MRTFA: variants seen among roughly 807,000 people sequenced by gnomAD.
MRTFA encodes the protein myocardin-related transcription factor A.
Under a neutral mutation model 83.5 loss-of-function variants are expected in MRTFA, and 20 were observed. The observed-to-expected ratio is 0.24, with a 90% CI of 0.17 to 0.35. The LOEUF is 0.35. Ranked by LOEUF, MRTFA falls within the 10% of genes least tolerant of loss-of-function variation. The probability of loss-of-function intolerance (pLI) is 1.00; values close to 1 mark genes in which losing one functional copy is unlikely to be tolerated. For missense variants in MRTFA, 1,200 were observed against 1,224.7 expected (o/e 0.98, Z 0.30); for synonymous variants, 659 against 541.2 (o/e 1.22, Z -3.02).
intron 6 of MRTFA, among the ~76,000 whole-genome samples, chr22:40,430,611 C>A (rs2053048332): frequency 6.6e-6 from 1 of 151,940 alleles, no homozygotes; most frequent in Non-Finnish European, 1.5e-5. Context: ...GTAACCACAG[C>A]ACTTTGGGAG....
At chr22:40,417,879 C>G (rs1399943008) in intron 12 of MRTFA, 1 of 256,808 alleles carries the variant, frequency 3.9e-6, no homozygotes, top group Non-Finnish European at 7.5e-6. Flanking sequence ...TACATAAAGC[C>G]TTAGGGCAGC....
rs1602289737 is a variant in MRTFA, at chr22:40,465,734, A to G, written c.242-2448T>C. 2.0e-5 allele frequency among the ~76,000 whole-genome samples: 3 copies of G among 146,980 alleles called. No homozygotes were observed. The South Asian group carries it at 6.5e-4, about 32-fold the overall frequency. On this transcript the variant is annotated intron_variant, in intron 3 of 14. Transcript: ENST00000355630. ...TGACACCATGCCCGGTAATTTTTTA[A>G]TTTTTTTTTTTGTAGATACAGGGTT...
At chr22:40,547,533 G>C (rs528006001) in intron 3 of MRTFA, among the ~76,000 whole-genome samples, 2 of 152,194 alleles carry the variant, frequency 1.3e-5, no homozygotes, top group African/African-American at 4.8e-5. Flanking sequence ...GTGTGCCTGG[G>C]AGCTAAGGGA....
chr22:40,415,126 T>G (rs1482136259), intron 14 of MRTFA: 1 of 152,380 alleles, frequency 6.6e-6, no homozygotes, highest in Non-Finnish European at 1.5e-5. Context: ...ACCCACCATC[T>G]CCCTTTCTCT....
chr22:40,530,762 T>C (rs1182613291), intron 3 of MRTFA, among the ~76,000 whole-genome samples: 1 of 152,234 alleles, frequency 6.6e-6, no homozygotes, highest in Non-Finnish European at 1.5e-5. Context: ...GCAGAAGAAT[T>C]CCAACTTTGA....
intron 3 of MRTFA, among the ~76,000 whole-genome samples, chr22:40,500,374 ATTTT>A (rs1209894398): frequency 6.8e-5 from 7 of 103,298 alleles, no homozygotes; most frequent in Admixed American, 3.9e-4. Context: ...TTCATTTTTT[ATTTT>A]TTTTATATTT....
chr22:40,582,123 C>T (rs562350383), intron 2 of MRTFA, among the ~76,000 whole-genome samples: 28 of 152,296 alleles, frequency 1.8e-4, no homozygotes, highest in South Asian at 1.2e-3. Flanking sequence ...TCTGTCTCTA[C>T]GGATTTGCCT....
In MRTFA at chr22:40,418,543, G is replaced by T. The variant is rs2052741754; in HGVS notation, c.2195C>A (p.Pro732His). 6.3e-7 allele frequency: 1 copy of T among 1,582,936 alleles called. No homozygotes were observed. The highest frequency in any genetic ancestry group is 1.2e-5 in the South Asian group (1 of 86,486). Reference sequence around the variant, plus strand: ...CAACTGGGGGGCGGGGACCGGCTCGGGCTCAGGCTGCAAGGCTTCCTGCTT... The same window carrying T: ...CAACTGGGGGGCGGGGACCGGCTCGTGCTCAGGCTGCAAGGCTTCCTGCTT... The change falls in exon 12 of 15, where the codon CCC (proline) becomes CAC (histidine). Residue 732 changes from proline to histidine, a missense_variant. Pro to His is a moderately conservative substitution (Grantham distance 77). Transcript: ENST00000355630.
rs141926991 is a variant in MRTFA at position 40,416,990 on chromosome 22, G to T, written c.2574C>A (p.Ser858Arg). 1 of 1,597,474 alleles carries T rather than the reference G, an allele frequency of 6.3e-7. No individual in the cohort carries two copies. The highest frequency in any genetic ancestry group is 1.7e-5 in the Admixed American group (1 of 57,552). Reference sequence around the variant, plus strand: ...CAGCAGGGGACCTGGGGTTACCTCCGCTCTGAATGAGAATGTCAAACAGGT... The same window carrying T: ...CAGCAGGGGACCTGGGGTTACCTCCTCTCTGAATGAGAATGTCAAACAGGT... The change falls in exon 14 of 15, where the codon AGC becomes AGA. Residue 858 changes from serine to arginine, a missense_variant. Physicochemically the swap from Ser to Arg is moderately radical, Grantham distance 110 (BLOSUM62 -1). Around this residue, in one of 2 missense-constraint regions of MRTFA, gnomAD observed 1,107 missense variants for 1,041.8 expected, o/e 1.06. Transcript: ENST00000355630. This position sits in a 1 kb window ranked among gnomAD's most constrained non-coding sequence, Gnocchi z 4.2.
At chr22:40,541,023 T>C (rs942244741) in intron 3 of MRTFA, among the ~76,000 whole-genome samples, 5 of 152,132 alleles carry the variant, frequency 3.3e-5, no homozygotes, top group African/African-American at 9.7e-5. Context: ...GAAGGTGTTA[T>C]TAGAAAACTA....
intron 1 of MRTFA, among the ~76,000 whole-genome samples, chr22:40,595,193 C>T (rs1449466579): frequency 6.8e-6 from 1 of 146,838 alleles, no homozygotes; most frequent in Non-Finnish European, 1.5e-5. Context: ...AATCTCAGCT[C>T]ACTGCAACCT....
At chr22:40,496,159 G>C (rs1406656728) in intron 3 of MRTFA, among the ~76,000 whole-genome samples, 3 of 152,084 alleles carry the variant, frequency 2.0e-5, no homozygotes, top group South Asian at 2.1e-4. Flanking sequence ...CCACTTAGCA[G>C]CTGCTGTGAC....
chr22:40,587,782 C>G (rs1602466277), intron 2 of MRTFA: 1 of 334,786 alleles, frequency 3.0e-6, no homozygotes, highest in Non-Finnish European at 5.9e-6. Context: ...GAATTTGAGA[C>G]CCAACTCTGC....
intron 1 of MRTFA, among the ~76,000 whole-genome samples, chr22:40,614,411 CAA>C (rs373173040): frequency 2.9e-4 from 32 of 108,498 alleles, no homozygotes; most frequent in Non-Finnish European, 3.2e-4. Context: ...ACCCTGTCTC[CAA>C]AAAAAAAAAA....
chr22:40,599,293 C>T (rs929854870), intron 1 of MRTFA, among the ~76,000 whole-genome samples: 7 of 151,978 alleles, frequency 4.6e-5, no homozygotes, highest in Non-Finnish European at 8.8e-5. Flanking sequence ...AACGAAACTC[C>T]GTCTCAAACA....
intron 3 of MRTFA, among the ~76,000 whole-genome samples, chr22:40,550,845 CTTTTTTCT>C (rs1342992570): frequency 7.0e-4 from 51 of 72,544 alleles, no homozygotes; most frequent in East Asian, 4.9e-3. Flanking sequence ...TCCATTTTTT[CTTTTTTCT>C]TTTTTTTTTT....
chr22:40,565,836 T>C (rs1441397522), intron 2 of MRTFA, among the ~76,000 whole-genome samples: 1 of 152,230 alleles, frequency 6.6e-6, no homozygotes, highest in Non-Finnish European at 1.5e-5. Context: ...CGAAAGAGAC[T>C]TGTATAGCCA....
At chr22:40,462,780 CTG>C (rs1167586875) in intron 4 of MRTFA, among the ~76,000 whole-genome samples, 1 of 152,178 alleles carries the variant, frequency 6.6e-6, no homozygotes, top group African/African-American at 2.4e-5. Flanking sequence ...CTACATAAAA[CTG>C]TGGTTGATTC....
intron 4 of MRTFA, among the ~76,000 whole-genome samples, chr22:40,443,563 G>A (rs150736654): frequency 2.0e-5 from 3 of 147,692 alleles, no homozygotes; most frequent in African/African-American, 7.5e-5. Context: ...ACAAAAAAAA[G>A]CCCTAGCAAA....
Sources: gnomAD v4.1 joint callset for allele counts (sites outside exome capture counted in the v4.1 genomes callset) on GRCh38, gnomAD v4.1.1 for gene constraint, gnomAD v4.1.1 regional missense constraint, Gnocchi (gnomAD v3.1) non-coding constraint, MANE v1.5 for transcripts, NCBI Gene and HGNC (gene_info 2026-07-23, HGNC 2026-07-21) for gene names.